TANC1: variants seen among roughly 807,000 people sequenced by gnomAD.
TANC1 encodes protein TANC1.
A neutral mutation model predicts 149.7 loss-of-function variants in TANC1; 77 were observed. The ratio of observed to expected loss-of-function variants is 0.51; its 90% CI spans 0.43 to 0.62. The LOEUF is 0.62. Ranked by LOEUF, TANC1 falls within the 20% of genes least tolerant of loss-of-function variation. TANC1 has a pLI of 0.00. For synonymous variants in TANC1, 854 were observed against 925.0 expected, an observed-to-expected ratio of 0.92 and a Z score of 1.39; for missense variants, 1,985 against 2,321.8, an observed-to-expected ratio of 0.85 and a Z score of 2.98.
chr2:159,098,495 G>A (rs2046357814), intron 4 of TANC1, among the ~76,000 whole-genome samples: 2 of 152,166 alleles, frequency 1.3e-5, no homozygotes, highest in South Asian at 2.1e-4. Flanking sequence ...CATACGTGGT[G>A]TGTTTAAAGG....
At chr2:159,125,717 G>A (rs2049376752) in intron 4 of TANC1, among the ~76,000 whole-genome samples, 1 of 152,118 alleles carries the variant, frequency 6.6e-6, no homozygotes, top group South Asian at 2.1e-4. Flanking sequence ...AGCCTCCTGA[G>A]TAGCTGGGAA....
intron 1 of TANC1, among the ~76,000 whole-genome samples, chr2:158,986,446 C>T (rs1235684962): frequency 6.6e-6 from 1 of 152,198 alleles, no homozygotes; most frequent in African/African-American, 2.4e-5. Flanking sequence ...TAATGATATA[C>T]CTCCAGGTAG....
At chr2:159,112,110 T>C (rs530531974) in intron 4 of TANC1, among the ~76,000 whole-genome samples, 1 of 152,376 alleles carries the variant, frequency 6.6e-6, no homozygotes, top group East Asian at 1.9e-4. Context: ...TTTTCAGTTA[T>C]ACAGTTGCTA....
chr2:158,978,976 G>T (rs1345429427), intron 1 of TANC1, among the ~76,000 whole-genome samples: 1 of 152,118 alleles, frequency 6.6e-6, no homozygotes, highest in African/African-American at 2.4e-5. Flanking sequence ...TTCTTTGTTG[G>T]CCATTTTTAA....
intron 1 of TANC1, among the ~76,000 whole-genome samples, chr2:158,988,315 G>A (rs1251323113): frequency 1.3e-4 from 18 of 136,824 alleles, no homozygotes; most frequent in Non-Finnish European, 2.6e-4. Context: ...TGACAGGCAA[G>A]ACCCTGTCCC....
At chr2:159,229,036 C>A in intron 26 of TANC1, 140 bp downstream of exon 26, 1 of 641,002 alleles carries the variant, frequency 1.6e-6, no homozygotes, top group Admixed American at 2.8e-5. Flanking sequence ...AGTATTACTA[C>A]CTGCTTCCAA....
intron 1 of TANC1, among the ~76,000 whole-genome samples, chr2:158,969,036 GCGCGGTTCC>G (rs1356196932): frequency 2.6e-5 from 4 of 152,176 alleles, no homozygotes; most frequent in Non-Finnish European, 5.9e-5. Context: ...CACCTTCCTT[GCGCGGTTCC>G]CCCGCGCCGG....
chr2:159,021,003 C>T (rs2038788541), intron 2 of TANC1, among the ~76,000 whole-genome samples: 1 of 152,014 alleles, frequency 6.6e-6, no homozygotes, highest in Non-Finnish European at 1.5e-5. Flanking sequence ...TATACATCTT[C>T]TGAGCTACCA....
chr2:158,987,755 T>C (rs1356557029), intron 1 of TANC1, among the ~76,000 whole-genome samples: 2 of 152,108 alleles, frequency 1.3e-5, no homozygotes, highest in Non-Finnish European at 1.5e-5. Flanking sequence ...CTCCCTGAGC[T>C]GTTTTCTGTG....
intron 6 of TANC1, 25 bp downstream of exon 6, chr2:159,149,297 T>C: frequency 6.2e-7 from 1 of 1,613,928 alleles, no homozygotes; most frequent in Non-Finnish European, 8.5e-7. Flanking sequence ...AGACACTACA[T>C]TGCATACCTC....
intron 2 of TANC1, among the ~76,000 whole-genome samples, chr2:159,020,546 G>T (rs181733320): frequency 6.6e-6 from 1 of 152,048 alleles, no homozygotes; most frequent in East Asian, 1.9e-4. Context: ...AATAACAGCC[G>T]CAGCATTTAT....
intron 2 of TANC1, among the ~76,000 whole-genome samples, chr2:159,007,138 GTTT>G (rs70994252): frequency 5.8e-5 from 4 of 69,512 alleles, no homozygotes; most frequent in East Asian, 1.0e-3. Context: ...CTTTAATACT[GTTT>G]TTTTTTTTTT....
rs1436058456 is a variant in TANC1, at chr2:159,231,191, CATAA to C, written c.*184_*187del. 1.8e-6 allele frequency: 1 copy of C among 552,940 alleles called. No individual in the cohort carries two copies. The highest frequency in any genetic ancestry group is 3.2e-6 in the Non-Finnish European group (1 of 314,838). The allele number at this position is 552,940 out of a possible 1,614,324, so 34.3% of individuals were successfully genotyped here. On this transcript the variant is annotated 3_prime_UTR_variant, in exon 27 of 27. Transcript: ENST00000263635. ...AACTTCTTTAATAGCTAGAAATCAC[CATAA>C]ATAAGAATGCTAAACAGAATTGAAA...
chr2:159,198,929 C>A lies in TANC1; in HGVS notation c.3166-46C>A, dbSNP rs764983912. 10 of 1,401,716 alleles carry A rather than the reference C, an allele frequency of 7.1e-6. No individual in the cohort carries two copies. The African/African-American group carries it at 1.4e-4, about 20-fold the overall frequency. 86.8% of individuals were successfully genotyped at this position (1,401,716 alleles called of 1,614,324 possible). ...TTTGATACATGGGCTATAATAAGCA[C>A]CTCTTGCTAAGAGAACTCATTAAAT... On this transcript the variant is annotated intron_variant, in intron 18 of 26. Coordinates refer to ENST00000263635, the MANE Select transcript of TANC1 (RefSeq NM_033394.3).
At position 159,046,589 on chromosome 2, in the gene TANC1, C is replaced by CTTTTTTTTTT. The variant is rs57208685; in HGVS notation, c.-15-19288_-15-19279dup. On this transcript the variant is annotated intron_variant, in intron 2 of 26. Transcript: ENST00000263635. ...ATGCACCATTCTTTTCTTTTCTTTA[C>CTTTTTTTTTT]TTTTTTTTTTTTTTTTTTTTTTTTT... Among the ~76,000 whole-genome samples, 14 of 84,396 alleles carry CTTTTTTTTTT rather than the reference C, an allele frequency of 1.7e-4. 2 individuals are homozygous for CTTTTTTTTTT. The highest frequency in any genetic ancestry group is 2.1e-4 in the Non-Finnish European group (10 of 47,896). The allele number at this position is 84,396 out of a possible 152,430, so 55.4% of individuals were successfully genotyped here.
chr2:159,111,573 T>G (rs1399250796), intron 4 of TANC1, among the ~76,000 whole-genome samples: 1 of 152,200 alleles, frequency 6.6e-6, no homozygotes, highest in Non-Finnish European at 1.5e-5. Context: ...TAGCTTGTAC[T>G]CAGGATTACA....
chr2:159,129,128 T>C (rs746938), intron 4 of TANC1, among the ~76,000 whole-genome samples: 17,565 of 152,196 alleles, frequency 0.12, 1,297 homozygotes, highest in Non-Finnish European at 0.16. Context: ...ATGAAAAATG[T>C]AAGATCCACT....
intron 4 of TANC1, among the ~76,000 whole-genome samples, chr2:159,099,971 G>GT (rs1422825587): frequency 2.0e-5 from 3 of 152,136 alleles, no homozygotes; most frequent in Non-Finnish European, 4.4e-5. Flanking sequence ...TCACTGAGTA[G>GT]TTTTTTCTTC....
intron 1 of TANC1, among the ~76,000 whole-genome samples, chr2:158,998,967 A>T (rs2036390009): frequency 6.6e-6 from 1 of 152,146 alleles, no homozygotes; most frequent in African/African-American, 2.4e-5. Context: ...TGCAGAAAGG[A>T]CAGAAATCAC....
Sources: allele counts gnomAD v4.1 joint callset (sites outside exome capture counted in the v4.1 genomes callset), GRCh38; gene constraint gnomAD v4.1.1; transcripts MANE v1.5; gene names NCBI Gene and HGNC (gene_info 2026-07-23, HGNC 2026-07-21).